GIPR: variants seen among roughly 807,000 people sequenced by gnomAD.
GIPR encodes the protein GIP-R.
GIPR carries 74 observed loss-of-function variants against 62.2 expected under a neutral mutation model. The ratio of observed to expected loss-of-function variants is 1.19; its 90% confidence interval spans 0.99 to 1.44. The LOEUF is 1.44. Ranked by LOEUF, GIPR falls within the 40% of genes most tolerant of loss-of-function variation. GIPR has a pLI of 0.00. For missense variants in GIPR, 664 were observed against 611.8 expected, an observed-to-expected ratio of 1.09 and a Z score of -0.90; for synonymous variants, 256 against 262.2, an observed-to-expected ratio of 0.98 and a Z score of 0.23.
Position 45,671,315 on chromosome 19 carries a change from A to G in GIPR, c.203A>G (p.Tyr68Cys). Reference protein sequence around the residue: ...GLACNGSFDMYVCWDYAAPNA... With the variant: ...GLACNGSFDMCVCWDYAAPNA... Reference sequence around the variant, plus strand: ...GCCTGTAACGGGTCCTTCGATATGTACGTCTGCTGGGACTATGCTGCACCC... The same window carrying G: ...GCCTGTAACGGGTCCTTCGATATGTGCGTCTGCTGGGACTATGCTGCACCC... The change falls in exon 4 of 14, where the codon TAC becomes TGC. Residue 68 changes from tyrosine to cysteine, a missense_variant. By Grantham distance (194) the Tyr-to-Cys change is radical. Transcript: ENST00000590918. 6.2e-7 allele frequency: 1 copy of G among 1,612,710 alleles called. No individual in the cohort carries two copies. The highest frequency in any genetic ancestry group is 8.5e-7 in the Non-Finnish European group (1 of 1,179,626).
At chr19:45,671,974 A>G (rs1481250185) in intron 4 of GIPR, among the ~76,000 whole-genome samples, 1 of 135,592 alleles carries the variant, frequency 7.4e-6, no homozygotes, top group African/African-American at 2.7e-5. Context: ...GTCTCTGGGC[A>G]TCTTAACCTA....
intron 1 of GIPR, among the ~76,000 whole-genome samples, chr19:45,669,139 C>G (rs1975403370): frequency 0.011 from 1 of 90 alleles, no homozygotes; most frequent in Non-Finnish European, 0.019. Context: ...GTCCAGACTT[C>G]GGTGACACTG....
intron 2 of GIPR, 76 bp downstream of exon 2, chr19:45,669,668 G>T: frequency 6.6e-7 from 1 of 1,521,758 alleles, no homozygotes; most frequent in South Asian, 1.2e-5. Context: ...TCCGTCGTCA[G>T]GGCGCTGTCG....
At chr19:45,673,021 G>A in intron 5 of GIPR, 67 bp downstream of exon 5, 1 of 947,208 alleles carries the variant, frequency 1.1e-6, no homozygotes, top group Non-Finnish European at 1.7e-6. Flanking sequence ...GATTCAGGCA[G>A]GGCCTGAAAC....
chr19:45,678,096 G>C lies in GIPR; in HGVS notation c.1022G>C (p.Arg341Pro), dbSNP rs74751167. 4.7e-5 allele frequency: 75 copies of C among 1,612,216 alleles called. No individual in the cohort carries two copies. The African/African-American group carries it at 8.3e-4, about 18-fold the overall frequency. The part of the protein sequence containing the change: ...RCRDYRLRLA[R>P]STLTLVPLLG... ...CCGCCCTCTCTCCCCAGGCTGGCTCGCTCCACGCTGACGCTGGTGCCCCTG... is the reference window on the plus strand; with the variant it reads ...CCGCCCTCTCTCCCCAGGCTGGCTCCCTCCACGCTGACGCTGGTGCCCCTG... Residue 341 changes from arginine to proline, a missense_variant, in exon 12 of 14, where the codon CGC becomes CCC. Coordinates refer to ENST00000590918, the MANE Select transcript of GIPR (RefSeq NM_000164.4).
chr19:45,677,055 T>C lies in GIPR; in HGVS notation c.740T>C (p.Leu247Pro). ...EGVYLHSLLV[L>P]VGGSEEGHFR... ...GTCTACCTGCACAGTCTCCTGGTGC[T>C]CGTGGGAGGCTCCGAGGAGGGCCAC... Residue 247 changes from leucine to proline, a missense_variant, in exon 8 of 14, where the codon CTC (leucine) becomes CCC (proline). Leu to Pro is a moderately conservative substitution (Grantham distance 98). Coordinates refer to ENST00000590918, the MANE Select transcript of GIPR (RefSeq NM_000164.4). 6.2e-7 allele frequency: 1 copy of C among 1,613,998 alleles called. No individual in the cohort carries two copies. Among genetic ancestry groups the C allele is most frequent in the South Asian group, 1.1e-5 (1 of 91,088 alleles).
At position 45,674,087 on chromosome 19, in the gene GIPR, T is replaced by C. The variant is rs367951213; in HGVS notation, c.398T>C (p.Ile133Thr). 75 of 1,610,302 alleles carry C rather than the reference T, an allele frequency of 4.7e-5. No individual in the cohort carries two copies. The highest frequency in any genetic ancestry group is 5.8e-5 in the Non-Finnish European group (68 of 1,176,668). The change falls in exon 6 of 14, where the codon ATC becomes ACC. Residue 133 changes from isoleucine (I) to threonine (T), a missense_variant. By Grantham distance (89) the Ile-to-Thr change is moderately conservative (BLOSUM62 -1). Coordinates refer to ENST00000590918, the MANE Select transcript of GIPR (RefSeq NM_000164.4). ...TGCCCCGACCAGGACCAAAGGCTCA[T>C]CTTGGAGCGGTTGCAGGTCATGTAC... ...KNEAFLDQRLILERLQVMYTV... is the reference protein window; with the variant it reads ...KNEAFLDQRLTLERLQVMYTV...
chr19:45,674,758 A>C lies in GIPR; in HGVS notation c.565A>C (p.Ser189Arg), dbSNP rs141816887. ...CATGCTGCGAGCTGCGGCCATTCTC[A>C]GCCGAGACCGTCTGCTACCTCGACC... ...SFMLRAAAIL[S>R]RDRLLPRPGP... is the part of the protein sequence containing the mutation. The change falls in exon 7 of 14, where the codon AGC becomes CGC. Residue 189 changes from serine (S) to arginine (R), a missense_variant. Coordinates refer to ENST00000590918, the MANE Select transcript of GIPR (RefSeq NM_000164.4). 124 of 1,613,796 alleles carry C rather than the reference A, an allele frequency of 7.7e-5. No individual in the cohort carries two copies. Among genetic ancestry groups the C allele is most frequent in the Non-Finnish European group, 9.8e-5 (116 of 1,179,948 alleles).
In GIPR at chr19:45,672,891, C is replaced by A. The variant is rs147077816; in HGVS notation, c.321C>A (p.Gly107=). The change falls in exon 5 of 14, where the codon GGC becomes GGA. Residue 107 remains glycine, a synonymous_variant. Coordinates refer to ENST00000590918, the MANE Select transcript of GIPR (RefSeq NM_000164.4). The part of the protein sequence containing the change: ...GFVLRQCGSD[G]QWGLWRDHTQ... ...TCCTCCGCCAGTGTGGCAGTGATGG[C>A]CAATGGGGACTTTGGAGAGACCATA... 1.8e-4 allele frequency: 294 copies of A among 1,613,306 alleles called. No homozygotes were observed. In the African/African-American group the frequency reaches 3.4e-3, roughly 18 times the overall value.
rs200834226 is a variant in GIPR, at chr19:45,674,068, G to C, written c.385-6G>C. ...CTTGTTCCCTTCCCCTTCTTGCCCC[G>C]ACCAGGACCAAAGGCTCATCTTGGA... On this transcript the variant is annotated splice_region_variant and splice_polypyrimidine_tract_variant and intron_variant, in intron 5 of 13. Coordinates refer to ENST00000590918, the MANE Select transcript of GIPR (RefSeq NM_000164.4). The C allele has an allele frequency of 3.1e-5, 49 of 1,591,226 alleles. No individual in the cohort carries two copies. In the African/African-American group the frequency reaches 5.8e-4, roughly 19 times the overall value.
Position 45,670,691 on chromosome 19 carries a change from C to CA in GIPR, c.130dup (p.Arg44LysfsTer19), listed in dbSNP as rs1203423735. The CA allele has an allele frequency of 6.2e-7, 1 of 1,612,524 alleles. No homozygotes were observed. Among genetic ancestry groups the CA allele is most frequent in the African/African-American group, 1.3e-5 (1 of 74,786 alleles). On this transcript the variant is annotated frameshift_variant, in exon 3 of 14. Coordinates refer to ENST00000590918, the MANE Select transcript of GIPR (RefSeq NM_000164.4). LOFTEE classifies it high-confidence loss of function. ...TGTACCAGCGCTGGGAACGGTACCGCAGGGAGTGCCAGGAGACCTTGGCAG... is the reference window on the plus strand; with the variant it reads ...TGTACCAGCGCTGGGAACGGTACCGCAAGGGAGTGCCAGGAGACCTTGGCAG...
chr19:45,678,815 G>T (rs1410669661), intron 12 of GIPR, among the ~76,000 whole-genome samples: 4 of 152,236 alleles, frequency 2.6e-5, no homozygotes, highest in Non-Finnish European at 4.4e-5. Context: ...GCCAAATTCA[G>T]GTTCTGTCAC....
In GIPR at chr19:45,674,140, A is replaced by T; in HGVS notation, c.451A>T (p.Thr151Ser). Reference protein sequence around the residue: ...YTVGYSLSLATLLLALLILSL... With the variant: ...YTVGYSLSLASLLLALLILSL... ...TGTCGGCTACTCCCTGTCTCTCGCC[A>T]CACTGCTGCTAGCCCTGCTCATCTT... Residue 151 changes from threonine to serine, a missense_variant, in exon 6 of 14, where the codon ACA (threonine) becomes TCA (serine). By Grantham distance (58) the Thr-to-Ser change is moderately conservative. Transcript: ENST00000590918. The T allele has an allele frequency of 1.2e-6, 2 of 1,613,548 alleles. No individual in the cohort carries two copies. The highest frequency in any genetic ancestry group is 1.7e-6 in the Non-Finnish European group (2 of 1,179,598).
chr19:45,673,670 T>C (rs1383762734), intron 5 of GIPR, among the ~76,000 whole-genome samples: 3 of 150,876 alleles, frequency 2.0e-5, no homozygotes, highest in Non-Finnish European at 4.4e-5. Flanking sequence ...TTGAGACCAT[T>C]CTGGCCAACA....
intron 6 of GIPR, 26 bp downstream of exon 6, chr19:45,674,203 C>T (rs372785629): frequency 1.7e-4 from 239 of 1,447,184 alleles, no homozygotes; most frequent in Non-Finnish European, 2.2e-4. Flanking sequence ...TGAGTGGTGG[C>T]GGCAGAGATG....
Position 45,681,998 on chromosome 19 carries a change from G to C in GIPR, c.*63G>C. 1 of 1,360,282 alleles carries C rather than the reference G, an allele frequency of 7.4e-7. No individual in the cohort carries two copies. Among genetic ancestry groups the C allele is most frequent in the East Asian group, 2.5e-5 (1 of 39,828 alleles). The allele number at this position is 1,360,282 out of a possible 1,614,324, so 84.3% of individuals were successfully genotyped here. On this transcript the variant is annotated 3_prime_UTR_variant, in exon 14 of 14. Coordinates refer to ENST00000590918, the MANE Select transcript of GIPR (RefSeq NM_000164.4). ...TTATTGAGTGCCAACTGCGTGCCAG[G>C]CCCAGTACGGAGGACGCTGGGGAAA...
chr19:45,671,358 G>A lies in GIPR; in HGVS notation c.246G>A (p.Ala82=). ...DYAAPNATAR[A]SCPWYLPWHH... is the part of the protein sequence containing the mutation. ...CTGCACCCAATGCCACTGCCCGTGC[G>A]TCCTGCCCCTGGTACCTGCCCTGGC... Residue 82 remains alanine (A), a synonymous_variant, in exon 4 of 14, where the codon GCG becomes GCA. Transcript: ENST00000590918. The A allele has an allele frequency of 6.2e-7, 1 of 1,611,692 alleles. No homozygotes were observed. Among genetic ancestry groups the A allele is most frequent in the Non-Finnish European group, 8.5e-7 (1 of 1,179,310 alleles).
At chr19:45,671,725 G>A (rs1006868486) in intron 4 of GIPR, among the ~76,000 whole-genome samples, 1 of 151,700 alleles carries the variant, frequency 6.6e-6, no homozygotes, top group African/African-American at 2.4e-5. Flanking sequence ...TCAGCCTCCC[G>A]AGAAGCCGGG....
Position 45,677,706 on chromosome 19 carries a change from C to G in GIPR, c.855-4C>G, listed in dbSNP as rs543913732. Reference sequence around the variant, plus strand: ...ATCTCTTAGCTCTACTCCGCCTTCCCCAGGTGCTGGGAGCGCAACGAAGTC... The same window carrying G: ...ATCTCTTAGCTCTACTCCGCCTTCCGCAGGTGCTGGGAGCGCAACGAAGTC... On this transcript the variant is annotated splice_polypyrimidine_tract_variant and splice_region_variant and intron_variant, in intron 9 of 13. Transcript: ENST00000590918. 1 of 1,610,978 alleles carries G rather than the reference C, an allele frequency of 6.2e-7. No individual in the cohort carries two copies. Among genetic ancestry groups the G allele is most frequent in the Non-Finnish European group, 8.5e-7 (1 of 1,177,210 alleles).
Sources: gnomAD v4.1 joint callset for allele counts (sites outside exome capture counted in the v4.1 genomes callset) on GRCh38, gnomAD v4.1.1 for gene constraint, MANE v1.5 for transcripts, NCBI Gene and HGNC (gene_info 2026-07-23, HGNC 2026-07-21) for gene names.